The following OTUD7A variants were observed in gnomAD, a reference collection of about 807,000 sequenced individuals.
OTUD7A encodes the protein OTU domain-containing protein 7A.
In OTUD7A, 12 loss-of-function variants were observed where a neutral mutation model predicts 65.7. The ratio of observed to expected loss-of-function variants is 0.18; its 90% confidence interval spans 0.12 to 0.30. The LOEUF (loss-of-function observed/expected upper bound fraction) is 0.30. OTUD7A is among the 10% of genes least tolerant of loss of function. OTUD7A has a pLI of 1.00. For missense variants in OTUD7A, 1,148 were observed against 1,304.8 expected (o/e 0.88, Z 1.85); for synonymous variants, 641 against 586.3 (o/e 1.09, Z -1.35).
At chr15:31,794,633 A>AG (rs1477119104) in intron 1 of OTUD7A, among the ~76,000 whole-genome samples, 1 of 56,872 alleles carries the variant, frequency 1.8e-5, no homozygotes, top group Non-Finnish European at 3.8e-5. Context: ...AGAATAGTGA[A>AG]AAAAAAAAAA....
chr15:31,796,333 G>A (rs969559414), intron 1 of OTUD7A, among the ~76,000 whole-genome samples: 1 of 152,178 alleles, frequency 6.6e-6, no homozygotes, highest in Non-Finnish European at 1.5e-5. Context: ...AGATGGGCAG[G>A]TTGGAACCCC....
Position 31,484,007 on chromosome 15 carries a change from TGGC to T in OTUD7A, c.2086_2088del (p.Ala696del), listed in dbSNP as rs199744400. On this transcript the variant is annotated inframe_deletion, in exon 13 of 13. Transcript: ENST00000307050. The surrounding 1 kb of genome is among the most constrained non-coding windows in gnomAD (Gnocchi z 4.5). ...GGTCTGCGCGGCGGCCGCTTGGCCG[TGGC>T]GGCGGCGGCGGCGGCGGCAGCGGCG... 807,849 of 1,170,826 alleles carry T rather than the reference TGGC, an allele frequency of 0.69. 279,664 individuals are homozygous for T. The highest frequency in any genetic ancestry group is 0.89 in the East Asian group (22,778 of 25,716). 72.5% of individuals were successfully genotyped at this position (1,170,826 alleles called of 1,614,324 possible).
intron 3 of OTUD7A, among the ~76,000 whole-genome samples, chr15:31,570,940 C>G (rs186531240): frequency 1.3e-5 from 2 of 152,280 alleles, no homozygotes; most frequent in African/African-American, 4.8e-5. Flanking sequence ...ACACTACACC[C>G]GATTCAGTTA....
At chr15:31,552,215 T>C (rs905777729) in intron 5 of OTUD7A, among the ~76,000 whole-genome samples, 1 of 152,204 alleles carries the variant, frequency 6.6e-6, no homozygotes, top group African/African-American at 2.4e-5. Context: ...CAGAAGCAGA[T>C]GCTGGCCCCA....
At chr15:31,499,745 C>G (rs1283827872) in intron 10 of OTUD7A, among the ~76,000 whole-genome samples, 1 of 152,222 alleles carries the variant, frequency 6.6e-6, no homozygotes, top group East Asian at 1.9e-4. Flanking sequence ...CTGCATCGCC[C>G]CAGGAGGATC....
intron 1 of OTUD7A, among the ~76,000 whole-genome samples, chr15:31,669,941 G>C (rs935024333): frequency 6.8e-6 from 1 of 146,376 alleles, no homozygotes; most frequent in African/African-American, 2.7e-5. Flanking sequence ...GTGTGTGTTC[G>C]GGAGAGCAGG....
rs554459308 is a variant in OTUD7A, at chr15:31,549,708, G to C, written c.550+9261C>G. Among the ~76,000 whole-genome samples, 21 of 152,248 alleles carry C rather than the reference G, an allele frequency of 1.4e-4. No individual in the cohort carries two copies. In the East Asian group the frequency reaches 3.9e-3, roughly 28 times the overall value. ...GGAAGAGGGAAGAGGGAAAGGGGGA[G>C]AGAGGAGAGATTCTCTGGCTGGTCT... On this transcript the variant is annotated intron_variant, in intron 5 of 12. Coordinates refer to ENST00000307050, the MANE Select transcript of OTUD7A (RefSeq NM_001382637.1).
In OTUD7A at chr15:31,592,965, A is replaced by G. The variant is rs74444934; in HGVS notation, c.152-22768T>C. ...TATATACACGTGTATATATATATGT[A>G]TATATATATATATAGAAGGCATGCA... On this transcript the variant is annotated intron_variant, in intron 3 of 12. Transcript: ENST00000307050. 1.6e-3 allele frequency among the ~76,000 whole-genome samples: 106 copies of G among 66,924 alleles called. No individual in the cohort carries two copies. In the East Asian group the frequency reaches 0.031, roughly 20 times the overall value. The allele number at this position is 66,924 out of a possible 152,430, so 43.9% of individuals were successfully genotyped here.
chr15:31,697,338 T>G (rs868087829), intron 1 of OTUD7A, among the ~76,000 whole-genome samples: 6,562 of 134,920 alleles, frequency 0.049, 211 homozygotes, highest in African/African-American at 0.11. Context: ...AACCTTTGCT[T>G]TCACTCACTC....
At chr15:31,829,740 G>A (rs1896885418) in intron 1 of OTUD7A, among the ~76,000 whole-genome samples, 1 of 152,146 alleles carries the variant, frequency 6.6e-6, no homozygotes, top group Non-Finnish European at 1.5e-5. Context: ...AAATGATTCT[G>A]GCACAGGCTG....
chr15:31,503,725 CACA>C lies in OTUD7A; in HGVS notation c.984_986del (p.Val329del), dbSNP rs1293721369. 6.2e-7 allele frequency: 1 copy of C among 1,614,174 alleles called. No homozygotes were observed. The highest frequency in any genetic ancestry group is 1.7e-5 in the Admixed American group (1 of 60,020). ...CTGAGTCTCTTAACATTGTATCTGC[CACA>C]ACAACGATGGGCCTTCTTAATATAT... On this transcript the variant is annotated inframe_deletion, in exon 9 of 13. Transcript: ENST00000307050.
chr15:31,570,822 A>G lies in OTUD7A; in HGVS notation c.152-625T>C, dbSNP rs372318187. 3.9e-5 allele frequency among the ~76,000 whole-genome samples: 6 copies of G among 152,054 alleles called. 1 individual carries two copies. In the South Asian group the frequency reaches 1.2e-3, roughly 32 times the overall value. ...CCCCGACACGGGGTGCTGGACTGGC[A>G]CTTCGCAGCACTAGGCACAGCTACA... On this transcript the variant is annotated intron_variant, in intron 3 of 12. Coordinates refer to ENST00000307050, the MANE Select transcript of OTUD7A (RefSeq NM_001382637.1).
intron 3 of OTUD7A, among the ~76,000 whole-genome samples, chr15:31,646,740 T>A (rs1407082521): frequency 1.3e-5 from 2 of 152,156 alleles, no homozygotes; most frequent in African/African-American, 4.8e-5. Context: ...ATTACAGGCG[T>A]GAGCCACCAA....
intron 3 of OTUD7A, among the ~76,000 whole-genome samples, chr15:31,645,680 CT>C (rs766250788): frequency 6.6e-6 from 1 of 152,086 alleles, no homozygotes; most frequent in Non-Finnish European, 1.5e-5. Context: ...TATAATTTTT[CT>C]TTTTTAGTTT....
chr15:31,548,193 GGGCCACCCCCA>G, intron 5 of OTUD7A, among the ~76,000 whole-genome samples: 1 of 66,324 alleles, frequency 1.5e-5, no homozygotes, highest in African/African-American at 3.4e-5. Context: ...TGGGCCTCCC[GGGCCACCCCCA>G]TCATCTGTGG....
At chr15:31,625,203 T>C (rs903809843) in intron 3 of OTUD7A, among the ~76,000 whole-genome samples, 1 of 152,018 alleles carries the variant, frequency 6.6e-6, no homozygotes, top group African/African-American at 2.4e-5. Context: ...CGAGTGGGGA[T>C]GGAAGAAGGT....
intron 1 of OTUD7A, among the ~76,000 whole-genome samples, chr15:31,715,257 T>A (rs1208075534): frequency 2.0e-5 from 3 of 149,982 alleles, no homozygotes; most frequent in Non-Finnish European, 4.4e-5. Context: ...CTGTCCTGCC[T>A]CACTTCGCTG....
chr15:31,529,064 G>C (rs1161799891), intron 6 of OTUD7A, among the ~76,000 whole-genome samples: 1 of 152,230 alleles, frequency 6.6e-6, no homozygotes, highest in African/African-American at 2.4e-5. Context: ...TGTGCTCACA[G>C]GGAAAATGCT....
At position 31,723,191 on chromosome 15, in the gene OTUD7A, G is replaced by A. The variant is rs377633066; in HGVS notation, c.-99-66114C>T. Among the ~76,000 whole-genome samples the A allele has an allele frequency of 1.8e-3, 272 of 152,310 alleles. 1 individual carries two copies. The highest frequency in any genetic ancestry group is 6.2e-3 in the African/African-American group (259 of 41,568). On this transcript the variant is annotated intron_variant, in intron 1 of 12. Transcript: ENST00000307050. ...GAGCCTGAGAACTCGGGATGGCTGC[G>A]TGGCAAGGGATTGAAACTGCTGGAG...
Sources: gnomAD v4.1 joint callset for allele counts (sites outside exome capture counted in the v4.1 genomes callset) on GRCh38, gnomAD v4.1.1 for gene constraint, Gnocchi (gnomAD v3.1) non-coding constraint, MANE v1.5 for transcripts, NCBI Gene and HGNC (gene_info 2026-07-23, HGNC 2026-07-21) for gene names.